The following LYRM4 variants were observed in gnomAD, a reference collection of about 807,000 sequenced individuals.
LYRM4 encodes the protein LYR motif-containing protein 4.
LYRM4 carries 9 observed loss-of-function variants against 11.7 expected under a neutral mutation model. That is an observed-to-expected ratio of 0.77 (90% CI 0.46 to 1.34). The LOEUF is 1.34. Among genes scored for constraint, LYRM4 ranks in the 40% most tolerant of loss-of-function variants. LYRM4 has a pLI of 0.00. For synonymous variants in LYRM4, 42 were observed against 40.4 expected, an observed-to-expected ratio of 1.04 and a Z score of -0.15; for missense variants, 133 against 112.5, an observed-to-expected ratio of 1.18 and a Z score of -0.82.
At chr6:5,107,425 G>A (rs1032912659), downstream of LYRM4, 2 of 152,208 alleles carry the variant, frequency 1.3e-5, no homozygotes, top group Non-Finnish European at 2.9e-5. Context: ...GCAGTGCCGT[G>A]CGTTAGTAGC....
At chr6:5,190,488 C>T (rs1018571974) in intron 2 of LYRM4, among the ~76,000 whole-genome samples, 28 of 152,114 alleles carry the variant, frequency 1.8e-4, no homozygotes, top group African/African-American at 6.5e-4. Context: ...ATCATTTCCC[C>T]GTAATATACA....
chr6:5,226,773 G>C (rs528438451), intron 1 of LYRM4, among the ~76,000 whole-genome samples: 1 of 152,284 alleles, frequency 6.6e-6, no homozygotes, highest in East Asian at 1.9e-4. Context: ...AAGGAAATAT[G>C]ACAGCATGTT....
At chr6:5,073,370 A>AAT in the LYRM4 span, among the ~76,000 whole-genome samples, 6 of 151,706 alleles carry the variant, frequency 4.0e-5, no homozygotes, top group Non-Finnish European at 7.4e-5. Flanking sequence ...ACTGTTAAAA[A>AAT]ATATATATAT....
At position 5,224,032 on chromosome 6, in the gene LYRM4, G is replaced by T. The variant is rs553668699; in HGVS notation, c.87-7294C>A. On this transcript the variant is annotated intron_variant, in intron 1 of 2. Coordinates refer to ENST00000330636, the MANE Select transcript of LYRM4 (RefSeq NM_020408.6). Reference sequence around the variant, plus strand: ...AAGGACCACCAACTCCGGCCATCCTGGAAGACTTGCAGTCTCCCTGGTTTT... The same window carrying T: ...AAGGACCACCAACTCCGGCCATCCTTGAAGACTTGCAGTCTCCCTGGTTTT... 3.8e-4 allele frequency among the ~76,000 whole-genome samples: 58 copies of T among 152,286 alleles called. No homozygotes were observed. In the South Asian group the frequency reaches 0.011, roughly 29 times the overall value.
At chr6:5,226,679 T>C (rs924472103) in intron 1 of LYRM4, among the ~76,000 whole-genome samples, 5 of 152,172 alleles carry the variant, frequency 3.3e-5, no homozygotes, top group Admixed American at 6.5e-5. Flanking sequence ...GCCTGGCCCA[T>C]TGTTACGTTT....
At chr6:5,127,711 T>C (rs1335667501) in intron 2 of LYRM4, among the ~76,000 whole-genome samples, 4 of 152,260 alleles carry the variant, frequency 2.6e-5, no homozygotes, top group Non-Finnish European at 5.9e-5. Context: ...TAATTTTGCC[T>C]GTTCTTTTTT....
At chr6:5,041,822 G>A in the LYRM4 span, among the ~76,000 whole-genome samples, 1 of 152,150 alleles carries the variant, frequency 6.6e-6, no homozygotes, top group Non-Finnish European at 1.5e-5. Context: ...TAAGAAGCAA[G>A]GAAAATTAGG....
intron 1 of LYRM4, among the ~76,000 whole-genome samples, chr6:5,231,760 G>C (rs1441714684): frequency 6.6e-6 from 1 of 152,164 alleles, no homozygotes; most frequent in Non-Finnish European, 1.5e-5. Context: ...CATAACTAGG[G>C]ATAGTTATTT....
rs914774044 is a variant in LYRM4, at chr6:5,223,640, C to T, written c.87-6902G>A. Among the ~76,000 whole-genome samples, 4 of 152,176 alleles carry T rather than the reference C, an allele frequency of 2.6e-5. 1 individual carries two copies. The highest frequency in any genetic ancestry group is 9.7e-5 in the African/African-American group (4 of 41,432). On this transcript the variant is annotated intron_variant, in intron 1 of 2. Coordinates refer to ENST00000330636, the MANE Select transcript of LYRM4 (RefSeq NM_020408.6). ...CTTTTCAACTCTGCTTCAAGTGTTC[C>T]TATAAATAGTTCAGCGCCAAACATG...
the LYRM4 span, among the ~76,000 whole-genome samples, chr6:5,052,486 A>G: frequency 2.0e-5 from 3 of 152,166 alleles, no homozygotes; most frequent in Admixed American, 1.3e-4. Flanking sequence ...TAGAGATAGC[A>G]TCTCACTATG....
the LYRM4 span, among the ~76,000 whole-genome samples, chr6:5,073,360 A>C: frequency 6.6e-6 from 1 of 151,870 alleles, no homozygotes; most frequent in African/African-American, 2.4e-5. Context: ...ACAGAGCAAG[A>C]CTGTTAAAAA....
intron 2 of LYRM4, among the ~76,000 whole-genome samples, chr6:5,173,659 C>A (rs552457428): frequency 6.6e-6 from 1 of 152,156 alleles, no homozygotes; most frequent in South Asian, 2.1e-4. Context: ...ATATTTTCAA[C>A]TTTTTTCATT....
chr6:5,085,384 A>G, the LYRM4 span: 104 of 843,876 alleles, frequency 1.2e-4, no homozygotes, highest in Middle Eastern at 3.6e-4. Flanking sequence ...GGGGAGGGCG[A>G]GCCTGAACTG....
chr6:5,229,789 T>C (rs1448683215), intron 1 of LYRM4, among the ~76,000 whole-genome samples: 1 of 152,180 alleles, frequency 6.6e-6, no homozygotes, highest in Non-Finnish European at 1.5e-5. Flanking sequence ...AGTAACACTG[T>C]CTTAAAAAAT....
chr6:5,073,867 T>C, the LYRM4 span, among the ~76,000 whole-genome samples: 2 of 151,928 alleles, frequency 1.3e-5, no homozygotes, highest in African/African-American at 4.8e-5. Context: ...GGGGAGTGGG[T>C]AATATGGAAG....
At chr6:5,124,494 CT>C (rs1191014227) in intron 2 of LYRM4, among the ~76,000 whole-genome samples, 6 of 152,204 alleles carry the variant, frequency 3.9e-5, no homozygotes, top group African/African-American at 1.4e-4. Context: ...CCATTTCCGC[CT>C]TTTGCCTATG....
At chr6:5,039,931 C>G in the LYRM4 span, among the ~76,000 whole-genome samples, 5 of 151,980 alleles carry the variant, frequency 3.3e-5, no homozygotes, top group Admixed American at 1.3e-4. Flanking sequence ...AGAACAGAGC[C>G]TAAAAACAGA....
chr6:5,184,185 C>T (rs908107722), intron 2 of LYRM4, among the ~76,000 whole-genome samples: 6 of 151,936 alleles, frequency 3.9e-5, no homozygotes, highest in Admixed American at 3.9e-4. Flanking sequence ...TTTTTTCATA[C>T]ATATTCTTAA....
At chr6:5,112,593 G>C (rs1368339760) in intron 2 of LYRM4, among the ~76,000 whole-genome samples, 1 of 152,352 alleles carries the variant, frequency 6.6e-6, no homozygotes, top group African/African-American at 2.4e-5. Flanking sequence ...CAGGCACCTT[G>C]TGCGGGTGAG....
Sources: allele counts gnomAD v4.1 joint callset (sites outside exome capture counted in the v4.1 genomes callset), GRCh38; gene constraint gnomAD v4.1.1; transcripts MANE v1.5; gene names NCBI Gene and HGNC (gene_info 2026-07-23, HGNC 2026-07-21).